Variants in PACRGL observed in about 807,000 individuals in gnomAD.
PACRGL encodes the protein PACRG-like protein.
A neutral mutation model predicts 34.5 loss-of-function variants in PACRGL; 38 were observed. The observed-to-expected ratio is 1.10, with a 90% CI of 0.85 to 1.44. The LOEUF is 1.44. Ranked by LOEUF, PACRGL falls within the 40% of genes most tolerant of loss-of-function variation. PACRGL has a pLI of 0.00. For missense variants in PACRGL, 305 were observed against 281.4 expected, an observed-to-expected ratio of 1.08 and a Z score of -0.60; for synonymous variants, 128 against 100.1, an observed-to-expected ratio of 1.28 and a Z score of -1.66.
chr4:20,698,962 C>A (rs1731402777), upstream of PACRGL, among the ~76,000 whole-genome samples: 1 of 152,210 alleles, frequency 6.6e-6, no homozygotes, highest in Non-Finnish European at 1.5e-5. Flanking sequence ...TAGGAGTCGT[C>A]ATCCACAAGG....
intron 7 of PACRGL, among the ~76,000 whole-genome samples, chr4:20,719,324 C>A (rs1285707978): frequency 6.6e-6 from 1 of 152,090 alleles, no homozygotes; most frequent in Non-Finnish European, 1.5e-5. Flanking sequence ...GTGTCTCTAT[C>A]TCCTTCAATT....
At chr4:20,747,548 A>G (rs1022197068) in intron 8 of PACRGL, among the ~76,000 whole-genome samples, 4 of 152,008 alleles carry the variant, frequency 2.6e-5, no homozygotes, top group Non-Finnish European at 4.4e-5. Context: ...TCTTCCCCCA[A>G]CCATCTCCTC....
intron 7 of PACRGL, among the ~76,000 whole-genome samples, chr4:20,721,442 C>T (rs189893341): frequency 9.9e-4 from 150 of 152,186 alleles, no homozygotes; most frequent in African/African-American, 3.2e-3. Context: ...TGTTTTTTCC[C>T]CATCTTTGTG....
intron 6 of PACRGL, 39 bp downstream of exon 6, chr4:20,712,961 A>G (rs778375215): frequency 2.1e-6 from 3 of 1,453,408 alleles, no homozygotes; most frequent in Non-Finnish European, 1.8e-6. Flanking sequence ...ATTTGAAAAC[A>G]TGATAGAAAA....
At chr4:20,759,025 G>T in the PACRGL span, 3 of 616,924 alleles carry the variant, frequency 4.9e-6, no homozygotes, top group Non-Finnish European at 8.5e-6. Flanking sequence ...TATTACAAAG[G>T]GAATAAAAGC....
chr4:20,748,869 C>G (rs925362129), intron 8 of PACRGL, among the ~76,000 whole-genome samples: 5 of 117,764 alleles, frequency 4.2e-5, no homozygotes, highest in African/African-American at 1.6e-4. Context: ...ATATGAATTA[C>G]GTGTGTGTGT....
chr4:20,759,221 A>C, the PACRGL span, among the ~76,000 whole-genome samples: 2 of 152,168 alleles, frequency 1.3e-5, no homozygotes, highest in Non-Finnish European at 2.9e-5. Context: ...AGCATGTTGC[A>C]AGATGTTTAT....
At chr4:20,725,077 G>A (rs1186707858) in intron 8 of PACRGL, among the ~76,000 whole-genome samples, 189 bp downstream of exon 8, 2 of 151,982 alleles carry the variant, frequency 1.3e-5, no homozygotes, top group African/African-American at 2.4e-5. Flanking sequence ...CAAGCCCTGC[G>A]ACTCAGACCA....
chr4:20,720,425 C>T (rs918413722), intron 7 of PACRGL, among the ~76,000 whole-genome samples: 7 of 152,256 alleles, frequency 4.6e-5, no homozygotes, highest in East Asian at 3.9e-4. Flanking sequence ...TTCCTAGCCT[C>T]GATGGTCTTT....
intron 8 of PACRGL, among the ~76,000 whole-genome samples, chr4:20,740,109 T>C (rs1002723645): frequency 1.6e-4 from 25 of 152,110 alleles, no homozygotes; most frequent in African/African-American, 6.0e-4. Context: ...CTACGTCTGA[T>C]TGGTGTACCT....
intron 8 of PACRGL, among the ~76,000 whole-genome samples, chr4:20,744,757 T>TAAAGAATAATAATAATA (rs1208615763): frequency 6.6e-6 from 1 of 151,968 alleles, no homozygotes; most frequent in Non-Finnish European, 1.5e-5. Context: ...CCCTAGAACT[T>TAAAGAATAATAATAATA]AAAGAATAAT....
intron 8 of PACRGL, among the ~76,000 whole-genome samples, 180 bp downstream of exon 8, chr4:20,725,068 A>G (rs557294756): frequency 1.3e-5 from 2 of 152,074 alleles, no homozygotes; most frequent in Non-Finnish European, 2.9e-5. Context: ...CACTGTTCTC[A>G]AGCCCTGCGA....
chr4:20,734,478 A>G (rs1162276684), downstream of PACRGL: 1 of 444,636 alleles, frequency 2.2e-6, no homozygotes, highest in African/African-American at 2.1e-5. Context: ...TTCTATCCCA[A>G]GTTTTTAATT....
chr4:20,710,993 G>T (rs1196502312), intron 5 of PACRGL, among the ~76,000 whole-genome samples: 1 of 151,862 alleles, frequency 6.6e-6, no homozygotes, highest in Non-Finnish European at 1.5e-5. Flanking sequence ...TTTGAGACCA[G>T]CCTGACCTAC....
chr4:20,739,046 G>A (rs532300062), intron 8 of PACRGL, among the ~76,000 whole-genome samples: 32 of 152,242 alleles, frequency 2.1e-4, no homozygotes, highest in African/African-American at 5.1e-4. Context: ...AGGGAGGGGC[G>A]TCCACCATTG....
chr4:20,701,384 T>C (rs567493078), intron 1 of PACRGL: 54 of 155,276 alleles, frequency 3.5e-4, no homozygotes, highest in African/African-American at 6.3e-4. Flanking sequence ...CTTTCTGATA[T>C]TGTGACATAG....
intron 3 of PACRGL, among the ~76,000 whole-genome samples, chr4:20,705,632 T>C (rs1238707177): frequency 1.3e-5 from 2 of 152,116 alleles, no homozygotes; most frequent in Middle Eastern, 3.2e-3. Flanking sequence ...TCTCACTTCC[T>C]TTGCTTATGT....
intron 8 of PACRGL, among the ~76,000 whole-genome samples, chr4:20,740,373 C>T (rs942897352): frequency 1.3e-4 from 20 of 152,248 alleles, no homozygotes; most frequent in Admixed American, 2.6e-4. Context: ...AGACTAACAG[C>T]GGAACTCTCG....
At chr4:20,727,260 A>G in intron 8 of PACRGL, 25 bp from the exon 9 acceptor site, 3 of 1,586,882 alleles carry the variant, frequency 1.9e-6, no homozygotes, top group Non-Finnish European at 2.6e-6. Context: ...GATACTAATG[A>G]TGCTCAATTT....
Sources: gnomAD v4.1 joint callset for allele counts (sites outside exome capture counted in the v4.1 genomes callset) on GRCh38, gnomAD v4.1.1 for gene constraint, MANE v1.5 for transcripts, NCBI Gene and HGNC (gene_info 2026-07-23, HGNC 2026-07-21) for gene names.